Variants in ETFBKMT observed in about 807,000 individuals in gnomAD.
ETFBKMT encodes electron transfer flavoprotein subunit beta lysine methyltransferase, also known as electron transfer flavoprotein beta subunit lysine methyltransferase.
In ETFBKMT, 13 loss-of-function variants were observed where a neutral mutation model predicts 18.3. The observed-to-expected ratio is 0.71, with a 90% CI of 0.46 to 1.13. ETFBKMT has a LOEUF of 1.13. Ranked by LOEUF, ETFBKMT falls within the 50% of genes most tolerant of loss-of-function variation. The pLI, the probability that ETFBKMT is intolerant of heterozygous loss-of-function variation, is 0.00. For missense variants in ETFBKMT, 293 were observed against 306.2 expected, an observed-to-expected ratio of 0.96 and a Z score of 0.32; for synonymous variants, 84 against 107.9, an observed-to-expected ratio of 0.78 and a Z score of 1.37.
chr12:31,667,892 C>T lies in ETFBKMT; in HGVS notation c.691C>T (p.His231Tyr). The T allele has an allele frequency of 6.2e-7, 1 of 1,614,194 alleles. No homozygotes were observed. The highest frequency in any genetic ancestry group is 8.5e-7 in the Non-Finnish European group (1 of 1,180,028). The change falls in exon 4 of 4, where the codon CAT becomes TAT. Residue 231 changes from histidine (H) to tyrosine (Y), a missense_variant. By Grantham distance (83) the His-to-Tyr change is moderately conservative. Coordinates refer to ENST00000357721, the MANE Select transcript of ETFBKMT (RefSeq NM_001135863.2). ...RPQFSGHSIQ[H>Y]HLHKVVEYSL... ...CCAGTTCAGTGGACACAGCATTCAG[C>T]ATCACCTGCACAAAGTGGTAGAATA... is the stretch of plus-strand genomic sequence containing the variant.
At chr12:31,665,241 C>CT (rs533890543) in intron 2 of ETFBKMT, among the ~76,000 whole-genome samples, 53 of 152,056 alleles carry the variant, frequency 3.5e-4, no homozygotes, top group African/African-American at 1.0e-3. Flanking sequence ...CAGCCTACAA[C>CT]TTTTTTTTGA....
intron 2 of ETFBKMT, among the ~76,000 whole-genome samples, chr12:31,663,120 T>G (rs2139622823): frequency 6.6e-6 from 1 of 151,056 alleles, no homozygotes; most frequent in Admixed American, 6.6e-5. Context: ...TGAGACAGAG[T>G]CTCACTCTGT....
rs929532538 is a variant in ETFBKMT, at chr12:31,671,408, A to G, written c.*3418A>G. Reference sequence around the variant, plus strand: ...CAGAGGCAAAATAAGAAATCTTTTAAGAAAATCTCAAGACTGGCTCATGGC... The same window carrying G: ...CAGAGGCAAAATAAGAAATCTTTTAGGAAAATCTCAAGACTGGCTCATGGC... On this transcript the variant is annotated 3_prime_UTR_variant, in exon 4 of 4. Transcript: ENST00000357721. 7 of 152,214 alleles carry G rather than the reference A, an allele frequency of 4.6e-5. No individual in the cohort carries two copies. The highest frequency in any genetic ancestry group is 1.0e-4 in the Non-Finnish European group (7 of 68,042). The allele number at this position is 152,214 out of a possible 1,614,324, so 9.4% of individuals were successfully genotyped here.
chr12:31,655,079 AAACAG>A (rs1233327504), upstream of ETFBKMT, among the ~76,000 whole-genome samples: 8 of 147,122 alleles, frequency 5.4e-5, no homozygotes, highest in African/African-American at 1.8e-4. Flanking sequence ...ACAAACAAAA[AAACAG>A]AACAAAAAGA....
intron 1 of ETFBKMT, among the ~76,000 whole-genome samples, chr12:31,653,046 T>C (rs1258092769): frequency 6.6e-6 from 1 of 152,150 alleles, no homozygotes; most frequent in Non-Finnish European, 1.5e-5. Context: ...TCGTCTGTAC[T>C]AAAATACAAA....
upstream of ETFBKMT, among the ~76,000 whole-genome samples, chr12:31,657,482 C>T (rs757286188): frequency 6.6e-6 from 1 of 152,084 alleles, no homozygotes; most frequent in Non-Finnish European, 1.5e-5. Flanking sequence ...AGAAAAAAAT[C>T]ATTTAAGCTG....
At chr12:31,655,373 C>A (rs1468771500), upstream of ETFBKMT, among the ~76,000 whole-genome samples, 1 of 152,156 alleles carries the variant, frequency 6.6e-6, no homozygotes, top group African/African-American at 2.4e-5. Flanking sequence ...TAAGAAAATT[C>A]TTTCCTGGCT....
chr12:31,653,148 G>A (rs1951031873), intron 1 of ETFBKMT, among the ~76,000 whole-genome samples: 1 of 149,740 alleles, frequency 6.7e-6, no homozygotes, highest in African/African-American at 2.5e-5. Flanking sequence ...GGCAGAGGTT[G>A]CAGTGAGCTG....
chr12:31,653,051 T>C (rs1208668736), intron 1 of ETFBKMT, among the ~76,000 whole-genome samples: 1 of 152,102 alleles, frequency 6.6e-6, no homozygotes, highest in East Asian at 1.9e-4. Flanking sequence ...TGTACTAAAA[T>C]ACAAAAAATC....
Position 31,671,683 on chromosome 12 carries a change from C to T in ETFBKMT, c.*3693C>T, listed in dbSNP as rs1951274868. 6.6e-6 allele frequency: 1 copy of T among 152,048 alleles called. No individual in the cohort carries two copies. Among genetic ancestry groups the T allele is most frequent in the Non-Finnish European group, 1.5e-5 (1 of 68,006 alleles). The allele number at this position is 152,048 out of a possible 1,614,324, so 9.4% of individuals were successfully genotyped here. A position where few individuals can be genotyped will look rare whatever the true frequency, so the allele number is the denominator to read the frequency against. ...CATAAAATGTAACTGGGAAGAGTAG[C>T]CATAAAAATCAATGAATGGATGTGG... On this transcript the variant is annotated 3_prime_UTR_variant, in exon 4 of 4. Coordinates refer to ENST00000357721, the MANE Select transcript of ETFBKMT (RefSeq NM_001135863.2).
At chr12:31,665,994 T>C (rs1167984814) in intron 2 of ETFBKMT, 93 bp from the exon 3 acceptor site, 2 of 1,102,972 alleles carry the variant, frequency 1.8e-6, no homozygotes, top group Non-Finnish European at 2.5e-6. Flanking sequence ...ATAGCCAGTT[T>C]TGGGGCCAGT....
chr12:31,667,351 C>G (rs1315912417), intron 3 of ETFBKMT, among the ~76,000 whole-genome samples: 1 of 152,144 alleles, frequency 6.6e-6, no homozygotes, highest in African/African-American at 2.4e-5. Flanking sequence ...TCTCGTTTCC[C>G]TGTCCACAGT....
chr12:31,648,549 A>C, intron 1 of ETFBKMT, among the ~76,000 whole-genome samples: 2 of 122,062 alleles, frequency 1.6e-5, no homozygotes, highest in African/African-American at 6.1e-5. Context: ...TTTAGTAGAG[A>C]TGGGTTTCTT....
chr12:31,659,524 A>G (rs1262634576), upstream of ETFBKMT, among the ~76,000 whole-genome samples: 1 of 152,214 alleles, frequency 6.6e-6, no homozygotes, highest in East Asian at 1.9e-4. Flanking sequence ...CCACAGTCAC[A>G]TACTTCATAA....
intron 1 of ETFBKMT, 95 bp from the exon 2 acceptor site, chr12:31,661,746 A>T: frequency 1.9e-6 from 1 of 535,764 alleles, no homozygotes; most frequent in Non-Finnish European, 3.3e-6. Flanking sequence ...GGCGTGAGCC[A>T]CCGCGCCCGG....
chr12:31,651,338 C>G (rs1367420862), intron 1 of ETFBKMT, among the ~76,000 whole-genome samples: 3 of 145,676 alleles, frequency 2.1e-5, no homozygotes, highest in African/African-American at 7.6e-5. Context: ...GAGACGGAGT[C>G]TTGCTCTGTC....
intron 1 of ETFBKMT, among the ~76,000 whole-genome samples, chr12:31,651,480 C>A (rs1951017853): frequency 6.6e-6 from 1 of 151,992 alleles, no homozygotes; most frequent in Admixed American, 6.6e-5. Context: ...CAGGTGCGTG[C>A]CACCACGCAT....
At chr12:31,659,828 G>C (rs771427443) in intron 1 of ETFBKMT, 39 bp downstream of exon 1, 5 of 152,048 alleles carry the variant, frequency 3.3e-5, no homozygotes, top group Non-Finnish European at 7.3e-5. Context: ...CCTGTGTTTT[G>C]ATATTTGAAT....
intron 2 of ETFBKMT, among the ~76,000 whole-genome samples, chr12:31,663,785 T>G (rs1216476782): frequency 6.6e-6 from 1 of 152,224 alleles, no homozygotes. Context: ...ACTTTGTTTT[T>G]CGTAAGTGAA....
Sources: allele counts gnomAD v4.1 joint callset (sites outside exome capture counted in the v4.1 genomes callset), GRCh38; gene constraint gnomAD v4.1.1; transcripts MANE v1.5; gene names NCBI Gene and HGNC (gene_info 2026-07-23, HGNC 2026-07-21).